The following APIP variants were observed in gnomAD, a reference collection of about 807,000 sequenced individuals.
APIP encodes the protein methylthioribulose-1-phosphate dehydratase.
APIP carries 32 observed loss-of-function variants against 32.0 expected under a neutral mutation model. The observed-to-expected ratio is 1.00, with a 90% CI of 0.76 to 1.34. The LOEUF is 1.34. APIP is among the 40% of genes most tolerant of loss of function. The pLI, the probability that APIP is intolerant of heterozygous loss-of-function variation, is 0.00. For synonymous variants in APIP, 92 were observed against 94.8 expected (o/e 0.97, Z 0.17); for missense variants, 247 against 298.6 (o/e 0.83, Z 1.27).
intron 2 of APIP, 121 bp downstream of exon 2, chr11:34,894,889 C>T: frequency 2.4e-6 from 2 of 845,254 alleles, no homozygotes. Flanking sequence ...CATTTAGAAA[C>T]TAAAGACCTT....
At position 34,916,294 on chromosome 11, in the gene APIP, C is replaced by A; in HGVS notation, c.-10G>T. On this transcript the variant is annotated 5_prime_UTR_variant, in exon 1 of 7. Coordinates refer to ENST00000395787, the MANE Select transcript of APIP (RefSeq NM_015957.4). ...CATCACAGCCAGACATGGCCCAGAC[C>A]AGGGACCCGCGCGGCCTCCAATCTC... The A allele has an allele frequency of 6.2e-7, 1 of 1,611,730 alleles. No homozygotes were observed. The highest frequency in any genetic ancestry group is 8.5e-7 in the Non-Finnish European group (1 of 1,179,218).
chr11:34,889,766 T>A (rs1383397255), intron 3 of APIP, among the ~76,000 whole-genome samples: 1 of 152,124 alleles, frequency 6.6e-6, no homozygotes, highest in Non-Finnish European at 1.5e-5. Flanking sequence ...TTAATTCACT[T>A]AGGATAATGG....
chr11:34,894,304 C>T (rs953596753), intron 2 of APIP, among the ~76,000 whole-genome samples: 2 of 151,920 alleles, frequency 1.3e-5, no homozygotes, highest in Non-Finnish European at 2.9e-5. Flanking sequence ...AAGCATACTG[C>T]CGTTCTTTTG....
chr11:34,893,175 T>C (rs1363623421), intron 2 of APIP, among the ~76,000 whole-genome samples: 3 of 152,174 alleles, frequency 2.0e-5, no homozygotes, highest in South Asian at 2.1e-4. Flanking sequence ...CATAAAATGG[T>C]AGTGCATGGA....
chr11:34,911,354 A>C (rs1160311747), intron 1 of APIP, among the ~76,000 whole-genome samples: 2 of 152,208 alleles, frequency 1.3e-5, no homozygotes, highest in African/African-American at 4.8e-5. Context: ...AATTAAAAAA[A>C]TAGAAGTAGT....
chr11:34,914,245 G>C (rs1370154429), intron 1 of APIP, among the ~76,000 whole-genome samples: 1 of 152,068 alleles, frequency 6.6e-6, no homozygotes, highest in Non-Finnish European at 1.5e-5. Context: ...TTGCTAATTT[G>C]TCTCTTCCAC....
At chr11:34,899,269 T>A (rs989217269) in intron 1 of APIP, among the ~76,000 whole-genome samples, 4 of 152,204 alleles carry the variant, frequency 2.6e-5, no homozygotes, top group Non-Finnish European at 5.9e-5. Flanking sequence ...TGCAGCTTCC[T>A]TTTGCACCAC....
rs1853243606 is a variant in APIP at position 34,895,018 on chromosome 11, C to G, written c.150G>C (p.Leu50Phe). 2 of 1,613,798 alleles carry G rather than the reference C, an allele frequency of 1.2e-6. No individual in the cohort carries two copies. The highest frequency in any genetic ancestry group is 1.7e-6 in the Non-Finnish European group (2 of 1,179,810). Residue 50 changes from leucine (L) to phenylalanine (F), a missense_variant, in exon 2 of 7, where the codon TTG becomes TTC. Leu to Phe is a conservative substitution (Grantham distance 22). Coordinates refer to ENST00000395787, the MANE Select transcript of APIP (RefSeq NM_015957.4). ...WVTGTGGGIS[L>F]KHGDEIYIAP... ...GGCTGCCAGAAACTTACCCATGCTT[C>G]AAGCTAATTCCTCCTCCAGTCCCAG...
At chr11:34,915,649 C>T (rs1853661453) in intron 1 of APIP, among the ~76,000 whole-genome samples, 1 of 152,198 alleles carries the variant, frequency 6.6e-6, no homozygotes. Flanking sequence ...CTACATGCAG[C>T]GTGAGGGTGG....
chr11:34,902,641 C>T (rs1044984290), intron 1 of APIP, among the ~76,000 whole-genome samples: 22 of 152,144 alleles, frequency 1.4e-4, no homozygotes, highest in Non-Finnish European at 1.9e-4. Flanking sequence ...AATAGCCCGT[C>T]CATTATATAA....
At chr11:34,894,873 C>A in intron 2 of APIP, 137 bp downstream of exon 2, 1 of 729,704 alleles carries the variant, frequency 1.4e-6, no homozygotes, top group Non-Finnish European at 2.3e-6. Flanking sequence ...CAAATGTCCA[C>A]TTGTCCATTT....
At chr11:34,910,436 G>C (rs1278754249) in intron 1 of APIP, among the ~76,000 whole-genome samples, 1 of 152,156 alleles carries the variant, frequency 6.6e-6, no homozygotes, top group African/African-American at 2.4e-5. Context: ...GGGAAAAACT[G>C]GTTAATTAAG....
At chr11:34,894,982 C>A (rs1412398551) in intron 2 of APIP, 28 bp downstream of exon 2, 1 of 1,577,680 alleles carries the variant, frequency 6.3e-7, no homozygotes, top group South Asian at 1.1e-5. Context: ...TGGAGAGTTC[C>A]CAGTAATAAA....
At chr11:34,914,763 G>C (rs997741142) in intron 1 of APIP, among the ~76,000 whole-genome samples, 1 of 151,870 alleles carries the variant, frequency 6.6e-6, no homozygotes, top group Non-Finnish European at 1.5e-5. Flanking sequence ...CAGCACTTTG[G>C]GCAGCTTAGG....
At chr11:34,914,798 G>C (rs1853631488) in intron 1 of APIP, among the ~76,000 whole-genome samples, 1 of 152,038 alleles carries the variant, frequency 6.6e-6, no homozygotes, top group Non-Finnish European at 1.5e-5. Context: ...GAGATAACGA[G>C]TTCGAGACCA....
chr11:34,890,369 A>T, intron 3 of APIP, 135 bp downstream of exon 3: 1 of 787,274 alleles, frequency 1.3e-6, no homozygotes, highest in Non-Finnish European at 1.9e-6. Flanking sequence ...TTTAATAATT[A>T]CTCAATAAAT....
At chr11:34,908,051 A>G (rs1198609263) in intron 1 of APIP, among the ~76,000 whole-genome samples, 1 of 152,234 alleles carries the variant, frequency 6.6e-6, no homozygotes, top group Non-Finnish European at 1.5e-5. Flanking sequence ...AATAACATGC[A>G]TGAGATTAGT....
chr11:34,898,785 G>GTTTTTTTTTTTT, intron 1 of APIP, among the ~76,000 whole-genome samples: 1 of 92,114 alleles, frequency 1.1e-5, no homozygotes, highest in Non-Finnish European at 2.1e-5. Context: ...TTCTTTCTTT[G>GTTTTTTTTTTTT]GTTTTTTTTT....
At chr11:34,893,249 T>C (rs930271368) in intron 2 of APIP, among the ~76,000 whole-genome samples, 1 of 152,196 alleles carries the variant, frequency 6.6e-6, no homozygotes, top group African/African-American at 2.4e-5. Context: ...ATATTTCATC[T>C]TGAGTCCTGC....
Sources: gnomAD v4.1 joint callset for allele counts (sites outside exome capture counted in the v4.1 genomes callset) on GRCh38, gnomAD v4.1.1 for gene constraint, MANE v1.5 for transcripts, NCBI Gene and HGNC (gene_info 2026-07-23, HGNC 2026-07-21) for gene names.